The following NLRC4 variants were observed in gnomAD, a reference collection of about 807,000 sequenced individuals.
The protein encoded by NLRC4 is NLR family CARD domain-containing protein 4.
In NLRC4, 63 loss-of-function variants were observed where a neutral mutation model predicts 79.9. The observed-to-expected ratio is 0.79, with a 90% CI of 0.64 to 0.97. The LOEUF is 0.97. NLRC4 is among the 50% of genes least tolerant of loss of function. The probability of loss-of-function intolerance (pLI) is 0.00; values close to 1 mark genes in which losing one functional copy is unlikely to be tolerated. For missense variants in NLRC4, 1,074 were observed against 1,215.2 expected, an observed-to-expected ratio of 0.88 and a Z score of 1.73; for synonymous variants, 461 against 456.5, an observed-to-expected ratio of 1.01 and a Z score of -0.12.
At chr2:32,244,848 G>GAGGGAT (rs1459675860) in intron 4 of NLRC4, among the ~76,000 whole-genome samples, 3 of 151,044 alleles carry the variant, frequency 2.0e-5, no homozygotes, top group African/African-American at 4.9e-5. Flanking sequence ...AGGAGAGGGA[G>GAGGGAT]AGAGGGGGAG....
intron 1 of NLRC4, among the ~76,000 whole-genome samples, chr2:32,259,837 A>G (rs1438171007): frequency 6.6e-6 from 1 of 151,634 alleles, no homozygotes; most frequent in Non-Finnish European, 1.5e-5. Flanking sequence ...TACTCCTTTC[A>G]TTCCACACAA....
chr2:32,256,674 T>C (rs1687213720), intron 2 of NLRC4, 101 bp downstream of exon 2: 1 of 750,860 alleles, frequency 1.3e-6, no homozygotes, highest in Non-Finnish European at 2.5e-6. Flanking sequence ...ATTCCACATA[T>C]GACTGGTCAG....
At chr2:32,259,189 G>A (rs1039539805) in intron 1 of NLRC4, among the ~76,000 whole-genome samples, 1 of 150,446 alleles carries the variant, frequency 6.6e-6, no homozygotes, top group African/African-American at 2.4e-5. Flanking sequence ...TTAACCTTCT[G>A]GGCTCAGGTG....
intron 2 of NLRC4, among the ~76,000 whole-genome samples, chr2:32,253,181 G>C (rs1468991432): frequency 6.6e-6 from 1 of 151,646 alleles, no homozygotes; most frequent in Non-Finnish European, 1.5e-5. Flanking sequence ...ACGGAGTCTT[G>C]CTGTGTCACC....
upstream of NLRC4, among the ~76,000 whole-genome samples, chr2:32,265,341 C>T (rs554765616): frequency 3.9e-5 from 6 of 152,078 alleles, no homozygotes; most frequent in South Asian, 6.2e-4. Context: ...CCACCATGCC[C>T]GGCTAATTTT....
rs1159167307 is a variant in NLRC4 at position 32,252,599 on chromosome 2, A to G, written c.82T>C (p.Phe28Leu). 6.2e-7 allele frequency: 1 copy of G among 1,614,160 alleles called. No individual in the cohort carries two copies. Among genetic ancestry groups the G allele is most frequent in the South Asian group, 1.1e-5 (1 of 91,086 alleles). Residue 28 changes from phenylalanine to leucine, a missense_variant, in exon 3 of 9, where the codon TTT becomes CTT. Phe to Leu is a conservative substitution (Grantham distance 22). Coordinates refer to ENST00000402280, the MANE Select transcript of NLRC4 (RefSeq NM_001199138.2). Reference sequence around the variant, plus strand: ...TCGCGATTCAGAACATTCCATACAAATAGGTCATCTGTGATTTGCTTTATA... The same window carrying G: ...TCGCGATTCAGAACATTCCATACAAGTAGGTCATCTGTGATTTGCTTTATA... Reference protein sequence around the residue: ...TVIKQITDDLFVWNVLNREEV... With the variant: ...TVIKQITDDLLVWNVLNREEV...
At chr2:32,253,604 G>A (rs774106095) in intron 2 of NLRC4, among the ~76,000 whole-genome samples, 7 of 152,150 alleles carry the variant, frequency 4.6e-5, no homozygotes, top group Non-Finnish European at 1.0e-4. Flanking sequence ...CAATGGCCTA[G>A]GATCTGCCAC....
At chr2:32,258,109 AG>A (rs1262658730) in intron 1 of NLRC4, among the ~76,000 whole-genome samples, 2 of 152,144 alleles carry the variant, frequency 1.3e-5, no homozygotes, top group Admixed American at 6.5e-5. Context: ...CAGATGGGGT[AG>A]CCAGAAGGGA....
chr2:32,246,307 G>C (rs1351685520), intron 4 of NLRC4, among the ~76,000 whole-genome samples: 2 of 152,186 alleles, frequency 1.3e-5, no homozygotes, highest in Admixed American at 6.5e-5. Context: ...CAGTATAAAA[G>C]AATAGTTGTC....
chr2:32,228,473 A>G (rs1013120586), intron 8 of NLRC4, among the ~76,000 whole-genome samples: 8 of 152,192 alleles, frequency 5.3e-5, no homozygotes, highest in Non-Finnish European at 8.8e-5. Flanking sequence ...TGAAGAGGAC[A>G]GTGCAGGATT....
intron 2 of NLRC4, 102 bp from the exon 3 acceptor site, chr2:32,252,781 G>A: frequency 1.1e-6 from 1 of 880,946 alleles, no homozygotes; most frequent in Non-Finnish European, 1.8e-6. Context: ...CACTTTGGGA[G>A]GCCGAGGCGG....
intron 8 of NLRC4, among the ~76,000 whole-genome samples, chr2:32,228,310 G>C (rs999245867): frequency 1.3e-5 from 2 of 152,144 alleles, no homozygotes; most frequent in African/African-American, 4.8e-5. Context: ...AGGATTCTTA[G>C]GAGAAATGGA....
rs80107418 is a variant in NLRC4, at chr2:32,236,658, A to T, written c.2522-319T>A. Among the ~76,000 whole-genome samples the T allele has an allele frequency of 7.3e-3, 1,109 of 152,280 alleles. 18 individuals are homozygous for T. The highest frequency in any genetic ancestry group is 0.025 in the African/African-American group (1,024 of 41,556). Reference sequence around the variant, plus strand: ...AATCACTTGGTCTCTCTAAGCCTCAATGTCTTCCTCTATAGAATGAGGTAG... The same window carrying T: ...AATCACTTGGTCTCTCTAAGCCTCATTGTCTTCCTCTATAGAATGAGGTAG... On this transcript the variant is annotated intron_variant, in intron 6 of 8. Transcript: ENST00000402280.
chr2:32,251,516 G>T lies in NLRC4; in HGVS notation c.348C>A (p.Asn116Lys). 6.2e-7 allele frequency: 1 copy of T among 1,613,974 alleles called. No homozygotes were observed. Among genetic ancestry groups the T allele is most frequent in the South Asian group, 1.1e-5 (1 of 91,078 alleles). Residue 116 changes from asparagine (N) to lysine (K), a missense_variant, in exon 4 of 9, where the codon AAC becomes AAA. Coordinates refer to ENST00000402280, the MANE Select transcript of NLRC4 (RefSeq NM_001199138.2). ...KDLYHTPSFL[N>K]FYPLGEDIDI... ...CAATATCTTCACCAAGGGGATAAAA[G>T]TTCAGAAAAGATGGGGTATGGTACA...
intron 4 of NLRC4, among the ~76,000 whole-genome samples, chr2:32,242,325 G>A (rs1686824758): frequency 6.6e-6 from 1 of 151,812 alleles, no homozygotes; most frequent in Admixed American, 6.6e-5. Flanking sequence ...ACAAAAAAGG[G>A]GATATCACTA....
Position 32,250,791 on chromosome 2 carries a change from G to A in NLRC4, c.1073C>T (p.Thr358Ile), listed in dbSNP as rs753095003. Residue 358 changes from threonine (T) to isoleucine (I), a missense_variant, in exon 4 of 9, where the codon ACA becomes ATA. Transcript: ENST00000402280. The surrounding 1 kb of genome is among the most constrained non-coding windows in gnomAD (Gnocchi z 4.9). ...QMGESEFHSH[T>I]QTTLFHTFYD... ...GAAGGTATGGAACAGCGTTGTTTGT[G>A]TGTGAGAGTGGAACTCACTTTCACC... 6.2e-7 allele frequency: 1 copy of A among 1,614,170 alleles called. No individual in the cohort carries two copies.
chr2:32,253,029 T>A (rs1687119651), intron 2 of NLRC4, among the ~76,000 whole-genome samples: 1 of 151,658 alleles, frequency 6.6e-6, no homozygotes. Flanking sequence ...AAAAAAAAAA[T>A]TAAATATGCA....
chr2:32,239,741 G>A (rs1171647777), intron 5 of NLRC4, among the ~76,000 whole-genome samples: 1 of 152,172 alleles, frequency 6.6e-6, no homozygotes, highest in African/African-American at 2.4e-5. Context: ...ATCCTAGAGA[G>A]GTACTTTTTG....
chr2:32,235,989 G>T (rs1686663908), intron 7 of NLRC4, among the ~76,000 whole-genome samples: 1 of 151,998 alleles, frequency 6.6e-6, no homozygotes, highest in Non-Finnish European at 1.5e-5. Context: ...GGCTACTCTT[G>T]ACAGTTGCCT....
Sources: allele counts gnomAD v4.1 joint callset (sites outside exome capture counted in the v4.1 genomes callset), GRCh38; gene constraint gnomAD v4.1.1; non-coding constraint Gnocchi (gnomAD v3.1); transcripts MANE v1.5; gene names NCBI Gene and HGNC (gene_info 2026-07-23, HGNC 2026-07-21).